ZNF766: variants seen among roughly 807,000 people sequenced by gnomAD.
The protein encoded by ZNF766 is zinc finger protein 766.
A neutral mutation model predicts 13.2 loss-of-function variants in ZNF766; 13 were observed. The observed-to-expected ratio is 0.98, with a 90% CI of 0.64 to 1.56. The LOEUF (loss-of-function observed/expected upper bound fraction) is 1.56. Ranked by LOEUF, ZNF766 falls within the 40% of genes most tolerant of loss-of-function variation. The pLI is 0.00. For missense variants in ZNF766, 521 were observed against 552.2 expected, an observed-to-expected ratio of 0.94 and a Z score of 0.57; for synonymous variants, 178 against 187.6, an observed-to-expected ratio of 0.95 and a Z score of 0.42.
chr19:52,288,642 C>T (rs1365261946), intron 3 of ZNF766, among the ~76,000 whole-genome samples: 1 of 150,556 alleles, frequency 6.6e-6, no homozygotes, highest in African/African-American at 2.4e-5. Context: ...GATCCTCCCA[C>T]CTCAGCCTCC....
chr19:52,285,473 A>G (rs77606826), intron 3 of ZNF766, among the ~76,000 whole-genome samples: 3,608 of 152,264 alleles, frequency 0.024, 50 homozygotes, highest in Middle Eastern at 0.061. Flanking sequence ...TTAGTTTGCT[A>G]GAGCAGCTCA....
At chr19:52,269,736 C>G (rs951679438) in intron 1 of ZNF766, 105 bp downstream of exon 1, 2 of 1,393,894 alleles carry the variant, frequency 1.4e-6, no homozygotes, top group East Asian at 2.5e-5. Context: ...CCGCACCGCT[C>G]TCTCCACCCC....
chr19:52,288,105 C>G (rs571907724), intron 3 of ZNF766: 5 of 353,500 alleles, frequency 1.4e-5, no homozygotes, highest in Non-Finnish European at 2.7e-5. Flanking sequence ...ACTGCAACTT[C>G]CGCCTCCCAG....
intron 1 of ZNF766, among the ~76,000 whole-genome samples, chr19:52,271,051 G>A (rs1198241705): frequency 6.6e-6 from 1 of 152,162 alleles, no homozygotes; most frequent in Non-Finnish European, 1.5e-5. Flanking sequence ...CTCCCATAGT[G>A]CTGGGATAAC....
At chr19:52,272,292 G>A (rs1981011627) in intron 1 of ZNF766, among the ~76,000 whole-genome samples, 1 of 151,690 alleles carries the variant, frequency 6.6e-6, no homozygotes, top group Non-Finnish European at 1.5e-5. Flanking sequence ...TCATCTTTTC[G>A]TCTTAGCAAC....
In ZNF766 at chr19:52,290,569, C is replaced by T. The variant is rs751202928; in HGVS notation, c.778C>T (p.Arg260Ter). Reference sequence around the variant, plus strand: ...CTTCAATCGAATTGCATACCTTGCACGACACGAGAAAGTGCATACTGGAGA... The same window carrying T: ...CTTCAATCGAATTGCATACCTTGCATGACACGAGAAAGTGCATACTGGAGA... ...KLFNRIAYLA[R>*]HEKVHTGESP... The change falls in exon 4 of 4, where the codon CGA becomes TGA. Residue 260 changes from arginine (R) to a stop codon, truncating the protein, a stop_gained. Transcript: ENST00000439461. LOFTEE classifies it low-confidence loss of function (END_TRUNC). The T allele has an allele frequency of 5.0e-6, 8 of 1,613,886 alleles. No homozygotes were observed. The highest frequency in any genetic ancestry group is 2.2e-5 in the East Asian group (1 of 44,856).
chr19:52,287,651 C>G (rs1292446412), intron 3 of ZNF766, among the ~76,000 whole-genome samples: 3 of 152,182 alleles, frequency 2.0e-5, no homozygotes, highest in Non-Finnish European at 4.4e-5. Context: ...CTGATTCAGT[C>G]TTCTTATTTG....
In ZNF766 at chr19:52,295,735, T is replaced by C. The variant is rs1982318858; in HGVS notation, c.*4537T>C. 6.6e-6 allele frequency: 1 copy of C among 152,232 alleles called. No individual in the cohort carries two copies. The highest frequency in any genetic ancestry group is 2.1e-4 in the South Asian group (1 of 4,838). The allele number at this position is 152,232 out of a possible 1,614,324, so 9.4% of individuals were successfully genotyped here. On this transcript the variant is annotated 3_prime_UTR_variant, in exon 4 of 4. Coordinates refer to ENST00000439461, the MANE Select transcript of ZNF766 (RefSeq NM_001010851.3). ...ATTTATTTATTTTATTATTTATTTT[T>C]TTGAGATGGAGTTTCACTCTTGTTG...
At chr19:52,276,078 G>GT (rs1981183929) in intron 1 of ZNF766, among the ~76,000 whole-genome samples, 1 of 152,192 alleles carries the variant, frequency 6.6e-6, no homozygotes, top group South Asian at 2.1e-4. Context: ...TGCCCTACAG[G>GT]TTTTTAGCAG....
At position 52,287,124 on chromosome 19, in the gene ZNF766, C is replaced by T. The variant is rs897382537; in HGVS notation, c.275-2942C>T. Among the ~76,000 whole-genome samples the T allele has an allele frequency of 1.0e-4, 15 of 147,352 alleles. No individual in the cohort carries two copies. In the Middle Eastern group the frequency reaches 0.013, roughly 125 times the overall value. On this transcript the variant is annotated intron_variant, in intron 3 of 3. Transcript: ENST00000439461. Reference sequence around the variant, plus strand: ...TGCTGGGATTACAGGTGTGAGCCACCGTGCCCGACCTGCTCTGCAGTTTTC... The same window carrying T: ...TGCTGGGATTACAGGTGTGAGCCACTGTGCCCGACCTGCTCTGCAGTTTTC...
At position 52,290,409 on chromosome 19, in the gene ZNF766, A is replaced by G. The variant is rs931148046; in HGVS notation, c.618A>G (p.Gln206=). The change falls in exon 4 of 4, where the codon CAA becomes CAG. Residue 206 remains glutamine, a synonymous_variant. Transcript: ENST00000439461. ...TGTCTTCAAGCCTTCCTAATCATCA[A>G]GTAATCCACACTGCAGATAAACCTA... The part of the protein sequence containing the change: ...FRVSSSLPNH[Q]VIHTADKPNR... 1 of 1,613,932 alleles carries G rather than the reference A, an allele frequency of 6.2e-7. No homozygotes were observed. The highest frequency in any genetic ancestry group is 8.5e-7 in the Non-Finnish European group (1 of 1,180,024).
At chr19:52,283,738 T>G (rs559385825) in intron 3 of ZNF766, among the ~76,000 whole-genome samples, 18 of 152,228 alleles carry the variant, frequency 1.2e-4, no homozygotes, top group South Asian at 8.3e-4. Context: ...ATGTATGTAT[T>G]TATTCATTTA....
Position 52,291,660 on chromosome 19 carries a change from G to C in ZNF766, c.*462G>C, listed in dbSNP as rs1691215794. ...TGCAATCCCAGCTACTCGGGAGGCTGAGGCAGGAGAATTGCTTGAATCCAG... is the reference window on the plus strand; with the variant it reads ...TGCAATCCCAGCTACTCGGGAGGCTCAGGCAGGAGAATTGCTTGAATCCAG... On this transcript the variant is annotated 3_prime_UTR_variant, in exon 4 of 4. Coordinates refer to ENST00000439461, the MANE Select transcript of ZNF766 (RefSeq NM_001010851.3). 2 of 160,414 alleles carry C rather than the reference G, an allele frequency of 1.2e-5. No individual in the cohort carries two copies. The highest frequency in any genetic ancestry group is 3.7e-4 in the South Asian group (2 of 5,424). The allele number at this position is 160,414 out of a possible 1,614,324, so 9.9% of individuals were successfully genotyped here. A position where few individuals can be genotyped will look rare whatever the true frequency, so the allele number is the denominator to read the frequency against.
chr19:52,285,570 G>C (rs536050749), intron 3 of ZNF766, among the ~76,000 whole-genome samples: 1 of 152,220 alleles, frequency 6.6e-6, no homozygotes, highest in African/African-American at 2.4e-5. Context: ...GGACAGGTAT[G>C]GGGGAAGGAC....
chr19:52,294,842 T>G lies in ZNF766; in HGVS notation c.*3644T>G, dbSNP rs914419524. 1 of 152,182 alleles carries G rather than the reference T, an allele frequency of 6.6e-6. No homozygotes were observed. Among genetic ancestry groups the G allele is most frequent in the African/African-American group, 2.4e-5 (1 of 41,458 alleles). 9.4% of individuals were successfully genotyped at this position (152,182 alleles called of 1,614,324 possible). On this transcript the variant is annotated 3_prime_UTR_variant, in exon 4 of 4. Transcript: ENST00000439461. ...CAGATACAGGTCTCATTGCACAATA[T>G]GATTGTTGAAAACACTTGTGAAATT... is the stretch of plus-strand genomic sequence containing the variant.
rs766363857 is a variant in ZNF766, at chr19:52,282,122, A to G, written c.30A>G (p.Thr10=). Residue 10 remains threonine, a synonymous_variant, in exon 2 of 4, where the codon ACA becomes ACG. Coordinates refer to ENST00000439461, the MANE Select transcript of ZNF766 (RefSeq NM_001010851.3). ...ATCTTTTATTTTAGGGACACTTGACATTCAGGGACGTGGCCATAGAATTCT... is the reference window on the plus strand; with the variant it reads ...ATCTTTTATTTTAGGGACACTTGACGTTCAGGGACGTGGCCATAGAATTCT... MAQLRRGHL[T]FRDVAIEFSQ... is the part of the protein sequence containing the mutation. The G allele has an allele frequency of 1.1e-5, 17 of 1,602,512 alleles. No individual in the cohort carries two copies. Among genetic ancestry groups the G allele is most frequent in the South Asian group, 4.4e-5 (4 of 90,946 alleles).
At chr19:52,281,208 CA>C (rs1446048109) in intron 1 of ZNF766, among the ~76,000 whole-genome samples, 1 of 151,552 alleles carries the variant, frequency 6.6e-6, no homozygotes, top group Admixed American at 6.6e-5. Flanking sequence ...AAATACTTGC[CA>C]TGACCTTATA....
chr19:52,292,323 T>C lies in ZNF766; in HGVS notation c.*1125T>C, dbSNP rs1982187213. On this transcript the variant is annotated 3_prime_UTR_variant, in exon 4 of 4. Transcript: ENST00000439461. ...GAGAATAACAAAACCGTGATGGCAG[T>C]CATCATGCTTATTGCAGTTAGCACA... 1.6e-6 allele frequency: 1 copy of C among 629,904 alleles called. No individual in the cohort carries two copies. The allele number at this position is 629,904 out of a possible 1,614,324, so 39.0% of individuals were successfully genotyped here.
At position 52,294,072 on chromosome 19, in the gene ZNF766, A is replaced by G. The variant is rs1982259398; in HGVS notation, c.*2874A>G. On this transcript the variant is annotated 3_prime_UTR_variant, in exon 4 of 4. Transcript: ENST00000439461. ...TCTGTGTGCCTTTTTCTTGTGTGCC[A>G]AGTAAGACCCATGGCAGGCACCTTC... 6.6e-6 allele frequency: 1 copy of G among 152,062 alleles called. No individual in the cohort carries two copies. Among genetic ancestry groups the G allele is most frequent in the African/African-American group, 2.4e-5 (1 of 41,412 alleles). The allele number at this position is 152,062 out of a possible 1,614,324, so 9.4% of individuals were successfully genotyped here.
Sources: allele counts gnomAD v4.1 joint callset (sites outside exome capture counted in the v4.1 genomes callset), GRCh38; gene constraint gnomAD v4.1.1; transcripts MANE v1.5; gene names NCBI Gene and HGNC (gene_info 2026-07-23, HGNC 2026-07-21).